Variants in CTNND2 observed in about 807,000 individuals in gnomAD.
CTNND2 encodes catenin delta 2.
Under a neutral mutation model 144.4 loss-of-function variants are expected in CTNND2, and 22 were observed. That is an observed-to-expected ratio of 0.15 (90% CI 0.11 to 0.22). CTNND2 has a LOEUF of 0.22. CTNND2 is among the 10% of genes least tolerant of loss of function. The pLI is 1.00. For missense variants in CTNND2, 1,353 were observed against 1,618.8 expected (o/e 0.84, Z 2.82); for synonymous variants, 751 against 695.6 (o/e 1.08, Z -1.25).
intron 6 of CTNND2, among the ~76,000 whole-genome samples, chr5:11,392,270 T>C (rs889866594): frequency 6.6e-6 from 1 of 152,216 alleles, no homozygotes; most frequent in African/African-American, 2.4e-5. Context: ...AGGATCATTA[T>C]CAGTAAATGT....
intron 16 of CTNND2, among the ~76,000 whole-genome samples, chr5:11,077,156 T>G (rs1217695936): frequency 1.3e-5 from 2 of 152,190 alleles, no homozygotes; most frequent in Non-Finnish European, 2.9e-5. Flanking sequence ...AAGTCCCTAC[T>G]ACAGATTGGG....
At chr5:11,698,350 G>A (rs10042113) in intron 2 of CTNND2, among the ~76,000 whole-genome samples, 175 of 150,916 alleles carry the variant, frequency 1.2e-3, no homozygotes, top group African/African-American at 4.1e-3. Flanking sequence ...ATGCAGTGGC[G>A]CGATCTCGGC....
chr5:11,583,134 G>A (rs1252215429), intron 2 of CTNND2, among the ~76,000 whole-genome samples: 1 of 152,194 alleles, frequency 6.6e-6, no homozygotes, highest in Non-Finnish European at 1.5e-5. Context: ...CTTAGGATGG[G>A]CGTAGCCTCT....
chr5:11,376,499 C>T (rs957462839), intron 7 of CTNND2, among the ~76,000 whole-genome samples: 1 of 152,106 alleles, frequency 6.6e-6, no homozygotes, highest in African/African-American at 2.4e-5. Flanking sequence ...CCAGTGACAG[C>T]TTCTTTCCAC....
At chr5:11,522,118 A>T (rs1007337765) in intron 3 of CTNND2, among the ~76,000 whole-genome samples, 1 of 152,240 alleles carries the variant, frequency 6.6e-6, no homozygotes, top group African/African-American at 2.4e-5. Context: ...AAATTCATAA[A>T]CATTAAATAG....
At chr5:11,538,920 G>A (rs1184076635) in intron 3 of CTNND2, among the ~76,000 whole-genome samples, 1 of 151,870 alleles carries the variant, frequency 6.6e-6, no homozygotes, top group Non-Finnish European at 1.5e-5. Flanking sequence ...AGAACTAAAT[G>A]GAATCCCAAA....
chr5:11,470,954 G>GTATATATATTTATATATA (rs1767128844), intron 3 of CTNND2, among the ~76,000 whole-genome samples: 1 of 63,244 alleles, frequency 1.6e-5, no homozygotes, highest in African/African-American at 5.5e-5. Flanking sequence ...TTGATACAAA[G>GTATATATATTTATATATA]TATATATATA....
intron 1 of CTNND2, among the ~76,000 whole-genome samples, chr5:11,899,466 A>G (rs1737684577): frequency 6.6e-6 from 1 of 152,206 alleles, no homozygotes; most frequent in Non-Finnish European, 1.5e-5. Context: ...TTTAATATAT[A>G]AAGGGCTGGT....
At chr5:11,291,619 C>T (rs1249404472) in intron 9 of CTNND2, among the ~76,000 whole-genome samples, 2 of 152,056 alleles carry the variant, frequency 1.3e-5, no homozygotes, top group Non-Finnish European at 2.9e-5. Flanking sequence ...AACTCTGGTC[C>T]TTTCTCTCTG....
rs1023241782 is a variant in CTNND2 at position 11,655,950 on chromosome 5, A to C, written c.174+76186T>G. ...GTACTGAGTCAGCGATCTTTGACTT[A>C]TTTCCATAATGGTGTCATAAATGTT... On this transcript the variant is annotated intron_variant, in intron 2 of 21. Transcript: ENST00000304623. Among the ~76,000 whole-genome samples the C allele has an allele frequency of 3.9e-5, 6 of 151,920 alleles. No individual in the cohort carries two copies. The East Asian group carries it at 1.2e-3, about 29-fold the overall frequency.
intron 2 of CTNND2, among the ~76,000 whole-genome samples, chr5:11,690,578 A>G (rs888399263): frequency 3.3e-5 from 5 of 150,634 alleles, no homozygotes; most frequent in African/African-American, 9.7e-5. Context: ...CTAAAAATAC[A>G]AAAAAAAATT....
chr5:11,488,086 C>A (rs921435562), intron 3 of CTNND2, among the ~76,000 whole-genome samples: 6 of 152,220 alleles, frequency 3.9e-5, no homozygotes, highest in East Asian at 1.9e-4. Flanking sequence ...TACAAAACCT[C>A]ATATCCCAGC....
rs183147826 is a variant in CTNND2, at chr5:11,743,690, G to A, written c.38-11418C>T. Among the ~76,000 whole-genome samples, 5 of 152,238 alleles carry A rather than the reference G, an allele frequency of 3.3e-5. No individual in the cohort carries two copies. In the East Asian group the frequency reaches 9.7e-4, roughly 29 times the overall value. On this transcript the variant is annotated intron_variant, in intron 1 of 21. Coordinates refer to ENST00000304623, the MANE Select transcript of CTNND2 (RefSeq NM_001332.4). ...GTGGCATTAGGTCTTATTCATGGAG[G>A]CGGCTACACAGGTCATTTGCTGCTG... is the stretch of plus-strand genomic sequence containing the variant.
At chr5:11,701,062 G>A (rs1410017085) in intron 2 of CTNND2, among the ~76,000 whole-genome samples, 1 of 152,184 alleles carries the variant, frequency 6.6e-6, no homozygotes, top group Admixed American at 6.5e-5. Context: ...GATTACCTGA[G>A]ACCCATTCTG....
At chr5:11,865,730 A>G (rs1176205871) in intron 1 of CTNND2, among the ~76,000 whole-genome samples, 4 of 152,042 alleles carry the variant, frequency 2.6e-5, no homozygotes, top group Non-Finnish European at 4.4e-5. Flanking sequence ...ACCCTGGATT[A>G]TTGAGGTGGG....
intron 9 of CTNND2, among the ~76,000 whole-genome samples, chr5:11,303,913 C>A (rs942212179): frequency 3.9e-5 from 6 of 152,046 alleles, no homozygotes; most frequent in Non-Finnish European, 5.9e-5. Flanking sequence ...GGGGCGGTTT[C>A]CCCCATACTG....
At chr5:11,433,484 A>T (rs1397194045) in intron 3 of CTNND2, among the ~76,000 whole-genome samples, 1 of 152,208 alleles carries the variant, frequency 6.6e-6, no homozygotes, top group Non-Finnish European at 1.5e-5. Flanking sequence ...TTTATTAAAA[A>T]AAGAGATTTA....
Position 11,111,062 on chromosome 5 carries a change from C to A in CTNND2, c.2278-19G>T, listed in dbSNP as rs1752918308. On this transcript the variant is annotated intron_variant, in intron 13 of 21. Coordinates refer to ENST00000304623, the MANE Select transcript of CTNND2 (RefSeq NM_001332.4). ...CAACGGTCTGCAGAAAAGGGGGAAA[C>A]AGAGGAAAGAATGAGTAAAACTAGC... is the stretch of plus-strand genomic sequence containing the variant. 1 of 1,606,700 alleles carries A rather than the reference C, an allele frequency of 6.2e-7. No homozygotes were observed. The highest frequency in any genetic ancestry group is 1.3e-5 in the African/African-American group (1 of 74,884).
intron 10 of CTNND2, among the ~76,000 whole-genome samples, chr5:11,212,059 A>G (rs11748430): frequency 0.2 from 30,405 of 152,138 alleles, 3,152 homozygotes; most frequent in Admixed American, 0.24. Context: ...TGTTATGCAC[A>G]TATTTTTTTT....
Sources: gnomAD v4.1 joint callset for allele counts (sites outside exome capture counted in the v4.1 genomes callset) on GRCh38, gnomAD v4.1.1 for gene constraint, MANE v1.5 for transcripts, NCBI Gene and HGNC (gene_info 2026-07-23, HGNC 2026-07-21) for gene names.